Variants in DNAH6 observed in about 807,000 individuals in gnomAD.
DNAH6 encodes axonemal beta dynein heavy chain 6.
Under a neutral mutation model 491.4 loss-of-function variants are expected in DNAH6, and 340 were observed. That is an observed-to-expected ratio of 0.69 (90% CI 0.63 to 0.76). The LOEUF is 0.76. Among genes scored for constraint, DNAH6 ranks in the 30% least tolerant of loss-of-function variants. The pLI, the probability that DNAH6 is intolerant of heterozygous loss-of-function variation, is 0.00. For missense variants in DNAH6, 4,443 were observed against 4,972.2 expected (o/e 0.89, Z 3.20); for synonymous variants, 1,603 against 1,686.1 (o/e 0.95, Z 1.21).
At chr2:84,528,872 ATT>A in intron 3 of DNAH6, 30 bp from the exon 4 acceptor site, 2 of 1,328,894 alleles carry the variant, frequency 1.5e-6, no homozygotes, top group Non-Finnish European at 2.0e-6. Context: ...GCAAAGACTC[ATT>A]TTTTTTTTTC....
chr2:84,566,913 C>T (rs889051134), intron 11 of DNAH6, among the ~76,000 whole-genome samples: 2 of 151,948 alleles, frequency 1.3e-5, no homozygotes, highest in Non-Finnish European at 2.9e-5. Context: ...GCTGGTACAA[C>T]TGAATAGCTA....
At chr2:84,656,837 A>G (rs1285934387) in intron 35 of DNAH6, among the ~76,000 whole-genome samples, 1 of 152,002 alleles carries the variant, frequency 6.6e-6, no homozygotes, top group African/African-American at 2.4e-5. Flanking sequence ...GTAGAAGTTA[A>G]TTTTAATGAA....
intron 63 of DNAH6, among the ~76,000 whole-genome samples, chr2:84,748,328 A>G (rs1035670218): frequency 6.6e-6 from 1 of 152,072 alleles, no homozygotes; most frequent in African/African-American, 2.4e-5. Flanking sequence ...TCCATATCTG[A>G]TTGTAGGCTG....
intron 4 of DNAH6, among the ~76,000 whole-genome samples, chr2:84,533,748 C>G (rs1285220205): frequency 6.6e-6 from 1 of 152,138 alleles, no homozygotes; most frequent in Non-Finnish European, 1.5e-5. Flanking sequence ...AAACACTCAG[C>G]CTTGCAGCTT....
chr2:84,543,355 G>A (rs1177388326), intron 4 of DNAH6, among the ~76,000 whole-genome samples: 1 of 151,982 alleles, frequency 6.6e-6, no homozygotes, highest in East Asian at 1.9e-4. Context: ...CTTTGTTTTT[G>A]CCCTTAACCT....
chr2:84,520,416 G>T (rs1337314727), intron 2 of DNAH6, among the ~76,000 whole-genome samples: 1 of 151,960 alleles, frequency 6.6e-6, no homozygotes, highest in African/African-American at 2.4e-5. Flanking sequence ...GTTTTTATGT[G>T]TAACTTTTTT....
chr2:84,685,472 A>G lies in DNAH6; in HGVS notation c.7063A>G (p.Asn2355Asp). Residue 2355 changes from asparagine (N) to aspartate (D), a missense_variant and splice_region_variant, in exon 43 of 77, where the codon AAC (asparagine) becomes GAC (aspartate). Asn to Asp is a conservative substitution (Grantham distance 23). Around this residue, in one of 3 missense-constraint regions of DNAH6, gnomAD observed 2,977 missense variants for 3,296.6 expected, o/e 0.90. Transcript: ENST00000389394. The stretch of plus-strand genomic sequence containing the variant: ...CCATGTTATTCTGACAGAAATGGCC[A>G]GTAAATATGAATCTTTACCTATTCT... ...YFHVILTEMA[N>D]KHFGIAIDLE... is the part of the protein sequence containing the mutation. 6.8e-7 allele frequency: 1 copy of G among 1,463,188 alleles called. No individual in the cohort carries two copies. The highest frequency in any genetic ancestry group is 2.5e-5 in the East Asian group (1 of 39,954). The allele number at this position is 1,463,188 out of a possible 1,614,324, so 90.6% of individuals were successfully genotyped here.
Position 84,733,488 on chromosome 2 carries a change from A to G in DNAH6, c.10251A>G (p.Thr3417=), listed in dbSNP as rs372138940. The G allele has an allele frequency of 5.0e-5, 77 of 1,551,488 alleles. No individual in the cohort carries two copies. The African/African-American group carries it at 1.0e-3, about 20-fold the overall frequency. ...AAGCTCCCTGGCTACCTACTGCTAC[A>G]TGGTTCGCATGCTGTGACTTGGAAG... ...KPEAPWLPTA[T]WFACCDLEES... Residue 3417 remains threonine (T), a synonymous_variant, in exon 62 of 77, where the codon ACA becomes ACG. Coordinates refer to ENST00000389394, the MANE Select transcript of DNAH6 (RefSeq NM_001370.2).
rs767610206 is a variant in DNAH6, at chr2:84,584,248, C to T, written c.2479C>T (p.Gln827Ter). 18 of 1,612,550 alleles carry T rather than the reference C, an allele frequency of 1.1e-5. No homozygotes were observed. Among genetic ancestry groups the T allele is most frequent in the Non-Finnish European group, 1.4e-5 (17 of 1,178,958 alleles). The change falls in exon 15 of 77, where the codon CAG becomes TAG. Residue 827 changes from glutamine to a stop codon, truncating the protein, a stop_gained and splice_region_variant. Coordinates refer to ENST00000389394, the MANE Select transcript of DNAH6 (RefSeq NM_001370.2). LOFTEE classifies it high-confidence loss of function. ...NEVNEVKLQA[Q>*]DPQILDISAD... is the part of the protein sequence containing the mutation. ...AGTGAATGAAGTAAAACTGCAAGCACAGGTAAGCTAAATCATTATTTTGTA... is the reference window on the plus strand; with the variant it reads ...AGTGAATGAAGTAAAACTGCAAGCATAGGTAAGCTAAATCATTATTTTGTA...
chr2:84,606,162 A>T (rs1235273079), intron 20 of DNAH6, among the ~76,000 whole-genome samples: 5 of 152,202 alleles, frequency 3.3e-5, no homozygotes, highest in Admixed American at 3.3e-4. Flanking sequence ...TTTGTTTAGC[A>T]AAGGGAGCTG....
At chr2:84,756,076 CT>C (rs1673981244) in intron 63 of DNAH6, among the ~76,000 whole-genome samples, 1 of 152,202 alleles carries the variant, frequency 6.6e-6, no homozygotes, top group African/African-American at 2.4e-5. Flanking sequence ...AAACCTCTTT[CT>C]TTTGTAAATT....
the DNAH6 span, among the ~76,000 whole-genome samples, chr2:84,483,292 A>G: frequency 6.6e-6 from 1 of 151,850 alleles, no homozygotes; most frequent in Non-Finnish European, 1.5e-5. Flanking sequence ...AAAACTCCCC[A>G]CCTGACTCTT....
intron 40 of DNAH6, among the ~76,000 whole-genome samples, chr2:84,674,489 G>A (rs528639066): frequency 1.3e-5 from 2 of 152,144 alleles, no homozygotes; most frequent in Non-Finnish European, 2.9e-5. Flanking sequence ...CTGAAGAGAG[G>A]GTCAGGCTGT....
chr2:84,779,289 T>C (rs977847468), intron 64 of DNAH6, among the ~76,000 whole-genome samples: 3 of 152,212 alleles, frequency 2.0e-5, no homozygotes, highest in African/African-American at 7.2e-5. Flanking sequence ...TTTTTGTAGG[T>C]CTTGAAGTAG....
intron 2 of DNAH6, among the ~76,000 whole-genome samples, chr2:84,522,424 G>A (rs1390566865): frequency 6.6e-6 from 1 of 152,096 alleles, no homozygotes; most frequent in Non-Finnish European, 1.5e-5. Context: ...TGCAAACAGG[G>A]ATAGTTTGAC....
At chr2:84,651,022 C>A (rs1348529392) in intron 33 of DNAH6, among the ~76,000 whole-genome samples, 2 of 152,286 alleles carry the variant, frequency 1.3e-5, no homozygotes, top group East Asian at 1.9e-4. Flanking sequence ...GCAGTCATTT[C>A]TGCTGTGTAG....
the DNAH6 span, among the ~76,000 whole-genome samples, chr2:84,486,763 T>C: frequency 3.3e-5 from 5 of 152,096 alleles, no homozygotes; most frequent in Non-Finnish European, 7.4e-5. Context: ...ACATATGCAA[T>C]AGAAGAACAA....
chr2:84,729,442 G>A (rs992553121), intron 61 of DNAH6, among the ~76,000 whole-genome samples: 3 of 152,030 alleles, frequency 2.0e-5, no homozygotes, highest in African/African-American at 7.2e-5. Flanking sequence ...GTGTGTTTTC[G>A]CCCTTCCTTC....
chr2:84,601,977 A>G (rs1269264974), intron 18 of DNAH6, among the ~76,000 whole-genome samples: 2 of 151,962 alleles, frequency 1.3e-5, no homozygotes, highest in East Asian at 3.8e-4. Flanking sequence ...TTACTATTTC[A>G]CATGTACTGT....
Sources: allele counts gnomAD v4.1 joint callset (sites outside exome capture counted in the v4.1 genomes callset), GRCh38; gene constraint gnomAD v4.1.1; regional missense constraint gnomAD v4.1.1; transcripts MANE v1.5; gene names NCBI Gene and HGNC (gene_info 2026-07-23, HGNC 2026-07-21).